The following IL1RAPL2 variants were observed in gnomAD, a reference collection of about 807,000 sequenced individuals.
IL1RAPL2 encodes the protein X-linked interleukin-1 receptor accessory protein-like 2.
IL1RAPL2 carries 3 observed loss-of-function variants against 44.1 expected under a neutral mutation model. The ratio of observed to expected loss-of-function variants is 0.07; its 90% confidence interval spans 0.03 to 0.18. The LOEUF (loss-of-function observed/expected upper bound fraction) is 0.18, where lower values mean the gene tolerates loss of function less well. Among genes scored for constraint, IL1RAPL2 ranks in the 10% least tolerant of loss-of-function variants. The pLI, the probability that IL1RAPL2 is intolerant of heterozygous loss-of-function variation, is 1.00. For missense variants in IL1RAPL2, 391 were observed against 496.4 expected, an observed-to-expected ratio of 0.79 and a Z score of 2.02; for synonymous variants, 181 against 178.8, an observed-to-expected ratio of 1.01 and a Z score of -0.10.
chrX:105,651,195 T>G (rs2037640290), intron 6 of IL1RAPL2, among the ~76,000 whole-genome samples: 1 of 111,211 alleles, frequency 9.0e-6, no homozygotes, highest in Non-Finnish European at 1.9e-5. Context: ...GAATTAAGAT[T>G]GTTCAGCCCA....
chrX:105,627,423 C>T (rs973897095), intron 6 of IL1RAPL2, among the ~76,000 whole-genome samples: 1 of 111,271 alleles, frequency 9.0e-6, no homozygotes, highest in Non-Finnish European at 1.9e-5. Flanking sequence ...TCTATATTTT[C>T]GGAATCACAA....
intron 6 of IL1RAPL2, among the ~76,000 whole-genome samples, chrX:105,585,714 C>T (rs1409121401): frequency 2.9e-5 from 2 of 69,150 alleles, no homozygotes; most frequent in Non-Finnish European, 5.4e-5. Flanking sequence ...TTTATGGCTG[C>T]ATAGTATTCC....
chrX:104,905,360 A>G (rs201807411), intron 2 of IL1RAPL2, among the ~76,000 whole-genome samples: 4 of 111,302 alleles, frequency 3.6e-5, no homozygotes, highest in African/African-American at 9.8e-5. Flanking sequence ...TTGGTGTTTT[A>G]GACATGAAGT....
At chrX:105,033,428 A>G (rs1360897142) in intron 2 of IL1RAPL2, among the ~76,000 whole-genome samples, 11 of 111,386 alleles carry the variant, frequency 9.9e-5, no homozygotes, top group African/African-American at 3.3e-4. Context: ...GGTGGTGACA[A>G]AATCTCTCAG....
At chrX:105,251,239 A>G (rs1182225658) in intron 4 of IL1RAPL2, among the ~76,000 whole-genome samples, 1 of 109,998 alleles carries the variant, frequency 9.1e-6, no homozygotes, top group Non-Finnish European at 1.9e-5. Flanking sequence ...AGGTGGAAAA[A>G]ATGTCATTAG....
chrX:105,252,180 T>C (rs1380101387), intron 4 of IL1RAPL2, among the ~76,000 whole-genome samples: 1 of 111,684 alleles, frequency 9.0e-6, no homozygotes, highest in African/African-American at 3.2e-5. Flanking sequence ...AATGGAATAA[T>C]ATGATATGTA....
intron 2 of IL1RAPL2, among the ~76,000 whole-genome samples, chrX:105,183,695 G>C (rs1368450136): frequency 9.0e-6 from 1 of 111,642 alleles, no homozygotes; most frequent in African/African-American, 3.3e-5. Context: ...ATGTTACACT[G>C]CTCTGTTTCC....
At chrX:104,910,814 A>G (rs1924212770) in intron 2 of IL1RAPL2, among the ~76,000 whole-genome samples, 1 of 112,134 alleles carries the variant, frequency 8.9e-6, no homozygotes, top group Admixed American at 9.5e-5. Context: ...GACTGGGAAC[A>G]TGCTATTAAA....
intron 2 of IL1RAPL2, among the ~76,000 whole-genome samples, chrX:105,016,694 T>A (rs1339613617): frequency 8.9e-6 from 1 of 111,911 alleles, no homozygotes; most frequent in Non-Finnish European, 1.9e-5. Flanking sequence ...AGCTTTTCGA[T>A]GTGCTGCTGG....
At chrX:105,089,455 AC>A (rs1268411995) in intron 2 of IL1RAPL2, among the ~76,000 whole-genome samples, 1 of 110,755 alleles carries the variant, frequency 9.0e-6, no homozygotes, top group Non-Finnish European at 1.9e-5. Flanking sequence ...ACCATGCCCA[AC>A]CCAGTAGTTT....
intron 2 of IL1RAPL2, among the ~76,000 whole-genome samples, chrX:105,039,326 A>G (rs1206054527): frequency 8.9e-6 from 1 of 112,007 alleles, no homozygotes; most frequent in Non-Finnish European, 1.9e-5. Flanking sequence ...AAGCTTTTCT[A>G]ATAAAGGGAA....
At chrX:105,042,946 G>T (rs1452371214) in intron 2 of IL1RAPL2, among the ~76,000 whole-genome samples, 4 of 106,366 alleles carry the variant, frequency 3.8e-5, no homozygotes, top group African/African-American at 1.4e-4. Context: ...GATGAAATTG[G>T]AAATCATCAT....
chrX:104,867,529 G>A (rs1035263532), intron 2 of IL1RAPL2, among the ~76,000 whole-genome samples: 5 of 111,815 alleles, frequency 4.5e-5, no homozygotes, highest in Admixed American at 1.9e-4. Context: ...GCTGATGACT[G>A]TAACAATCCA....
intron 6 of IL1RAPL2, among the ~76,000 whole-genome samples, chrX:105,707,137 T>C (rs1469930822): frequency 1.8e-5 from 2 of 111,795 alleles, no homozygotes; most frequent in Admixed American, 1.9e-4. Context: ...AACATTGAGG[T>C]TCTTTTCTCC....
chrX:105,142,896 C>T (rs138902175), intron 2 of IL1RAPL2, among the ~76,000 whole-genome samples: 7 of 109,830 alleles, frequency 6.4e-5, no homozygotes, highest in Admixed American at 2.0e-4. Context: ...TTTGTCCTTG[C>T]GATAGTTTGC....
intron 6 of IL1RAPL2, among the ~76,000 whole-genome samples, chrX:105,673,482 T>C (rs1016337331): frequency 7.2e-5 from 8 of 111,644 alleles, no homozygotes; most frequent in African/African-American, 2.3e-4. Context: ...TCCAAGTCCC[T>C]GCAAAGGACA....
intron 5 of IL1RAPL2, chrX:105,406,086 G>T: frequency 8.3e-7 from 1 of 1,199,286 alleles, no homozygotes; most frequent in African/African-American, 1.7e-5. Flanking sequence ...GTTGTAGCAT[G>T]CATCTTTTTG....
At chrX:105,283,345 G>A (rs1166554246) in intron 5 of IL1RAPL2, among the ~76,000 whole-genome samples, 1 of 111,322 alleles carries the variant, frequency 9.0e-6, no homozygotes, top group South Asian at 3.8e-4. Flanking sequence ...TGGCCTACTT[G>A]AACAAAATAA....
At chrX:105,139,128 C>A (rs1222782349) in intron 2 of IL1RAPL2, among the ~76,000 whole-genome samples, 2 of 111,836 alleles carry the variant, frequency 1.8e-5, no homozygotes, top group Non-Finnish European at 3.8e-5. Flanking sequence ...CCTGCTCCTT[C>A]TCCCAGCATT....
Sources: allele counts gnomAD v4.1 joint callset (sites outside exome capture counted in the v4.1 genomes callset), GRCh38; gene constraint gnomAD v4.1.1; transcripts MANE v1.5; gene names NCBI Gene and HGNC (gene_info 2026-07-23, HGNC 2026-07-21).